Variants in OSBP observed in about 807,000 individuals in gnomAD.
OSBP encodes the protein oxysterol binding protein.
In OSBP, 32 loss-of-function variants were observed where a neutral mutation model predicts 96.6. The observed-to-expected ratio is 0.33, with a 90% CI of 0.25 to 0.45. The LOEUF (loss-of-function observed/expected upper bound fraction) is 0.45, where lower values mean the gene tolerates loss of function less well. Ranked by LOEUF, OSBP falls within the 20% of genes least tolerant of loss-of-function variation. The probability of loss-of-function intolerance (pLI) is 1.00; values close to 1 mark genes in which losing one functional copy is unlikely to be tolerated. For synonymous variants in OSBP, 369 were observed against 389.6 expected, an observed-to-expected ratio of 0.95 and a Z score of 0.62; for missense variants, 653 against 1,029.7, an observed-to-expected ratio of 0.63 and a Z score of 5.01.
At chr11:59,613,798 C>T (rs1860884504) in intron 1 of OSBP, among the ~76,000 whole-genome samples, 1 of 152,210 alleles carries the variant, frequency 6.6e-6, no homozygotes, top group South Asian at 2.1e-4. Flanking sequence ...GATGAGCTAT[C>T]TAAGGCATTT....
intron 9 of OSBP, among the ~76,000 whole-genome samples, chr11:59,591,697 T>G (rs974690108): frequency 1.3e-5 from 2 of 151,790 alleles, no homozygotes; most frequent in African/African-American, 4.8e-5. Flanking sequence ...CTCAGCTTAC[T>G]GCAACCTCCG....
At chr11:59,587,705 C>G (rs948821141) in intron 9 of OSBP, among the ~76,000 whole-genome samples, 2 of 152,154 alleles carry the variant, frequency 1.3e-5, no homozygotes, top group Middle Eastern at 3.4e-3. Flanking sequence ...ATGGAGTAAC[C>G]GGAACCTTTG....
intron 9 of OSBP, among the ~76,000 whole-genome samples, chr11:59,591,103 A>G (rs488331): frequency 0.18 from 26,682 of 152,226 alleles, 4,317 homozygotes; most frequent in African/African-American, 0.43. Flanking sequence ...ATAGGAATGC[A>G]AATACTATCA....
chr11:59,601,609 G>C, intron 4 of OSBP, 31 bp downstream of exon 4: 4 of 1,604,704 alleles, frequency 2.5e-6, no homozygotes, highest in South Asian at 2.2e-5. Context: ...GCTCACCTTA[G>C]ACCAGGCTAC....
At chr11:59,585,299 G>A (rs1478288744) in intron 9 of OSBP, among the ~76,000 whole-genome samples, 4 of 151,958 alleles carry the variant, frequency 2.6e-5, no homozygotes, top group Admixed American at 2.0e-4. Context: ...CCCCGGCTGG[G>A]ATGAGAGGAG....
chr11:59,610,995 C>T (rs1055862398), intron 1 of OSBP, among the ~76,000 whole-genome samples: 5 of 151,680 alleles, frequency 3.3e-5, no homozygotes, highest in African/African-American at 1.2e-4. Flanking sequence ...ATTAGCCAGG[C>T]GTGCGGGTGT....
At chr11:59,580,087 A>G in intron 11 of OSBP, 87 bp downstream of exon 11, 1 of 867,346 alleles carries the variant, frequency 1.2e-6, no homozygotes, top group Non-Finnish European at 2.0e-6. Flanking sequence ...ATACCACCCC[A>G]CATGTATATA....
chr11:59,586,201 AAG>A (rs1296990666), intron 9 of OSBP, among the ~76,000 whole-genome samples: 1 of 151,820 alleles, frequency 6.6e-6, no homozygotes, highest in African/African-American at 2.4e-5. Context: ...AGAAAAAAAA[AAG>A]AATTCATAAA....
Position 59,594,135 on chromosome 11 carries a change from C to G in OSBP, c.1432G>C (p.Ala478Pro). 6.2e-7 allele frequency: 1 copy of G among 1,614,146 alleles called. No individual in the cohort carries two copies. The highest frequency in any genetic ancestry group is 8.5e-7 in the Non-Finnish European group (1 of 1,180,014). The part of the protein sequence containing the change: ...NSLEQLCYVA[A>P]FTVSSYSTTV... ...GTGGAGTAGGAGGACACGGTGAAAG[C>G]TGCAACATAACAGAGCTGTTCTAGA... is the stretch of plus-strand genomic sequence containing the variant. The change falls in exon 8 of 14, where the codon GCT becomes CCT. Residue 478 changes from alanine (A) to proline (P), a missense_variant. Physicochemically the swap from Ala to Pro is conservative, Grantham distance 27. Coordinates refer to ENST00000263847, the MANE Select transcript of OSBP (RefSeq NM_002556.3).
intron 4 of OSBP, 89 bp from the exon 5 acceptor site, chr11:59,601,474 A>C: frequency 8.4e-7 from 1 of 1,194,828 alleles, no homozygotes; most frequent in South Asian, 1.3e-5. Context: ...AACCACAAAC[A>C]CAGCAAAAAA....
In OSBP at chr11:59,574,662, G is replaced by T. The variant is rs560590205; in HGVS notation, c.*1915C>A. 2 of 152,550 alleles carry T rather than the reference G, an allele frequency of 1.3e-5. No individual in the cohort carries two copies. The highest frequency in any genetic ancestry group is 2.9e-5 in the Non-Finnish European group (2 of 68,038). 9.4% of individuals were successfully genotyped at this position (152,550 alleles called of 1,614,324 possible). A position where few individuals can be genotyped will look rare whatever the true frequency, so the allele number is the denominator to read the frequency against. On this transcript the variant is annotated 3_prime_UTR_variant, in exon 14 of 14. Transcript: ENST00000263847. ...CACTCTATCCAAAGCCCCGGATGAG[G>T]TCACTGCTTTTATGAGCCTCCTTGA...
chr11:59,601,664 G>C lies in OSBP; in HGVS notation c.997C>G (p.Pro333Ala). 2 of 1,612,942 alleles carry C rather than the reference G, an allele frequency of 1.2e-6. No individual in the cohort carries two copies. Among genetic ancestry groups the C allele is most frequent in the Non-Finnish European group, 1.7e-6 (2 of 1,179,998 alleles). The change falls in exon 4 of 14, where the codon CCT (proline) becomes GCT (alanine). Residue 333 changes from proline (P) to alanine (A), a missense_variant. Pro to Ala is a conservative substitution (Grantham distance 27). Transcript: ENST00000263847. The part of the protein sequence containing the change: ...RGATVLPANT[P>A]GNVGSGKDQC... The stretch of plus-strand genomic sequence containing the variant: ...CCTTTACCAGAACCCACATTGCCAG[G>C]AGTGTTTGCCGGCAGCACCGTGGCT...
chr11:59,586,593 T>G (rs185097226), intron 9 of OSBP, among the ~76,000 whole-genome samples: 8 of 152,224 alleles, frequency 5.3e-5, no homozygotes, highest in Non-Finnish European at 1.0e-4. Context: ...GACCACAAAA[T>G]AGCCAAAGAA....
chr11:59,608,427 A>G, intron 3 of OSBP, 57 bp downstream of exon 3: 1 of 1,608,252 alleles, frequency 6.2e-7, no homozygotes, highest in Admixed American at 1.7e-5. Context: ...TTTGGGGAGA[A>G]TTATGTTTCA....
At chr11:59,600,945 A>G in intron 5 of OSBP, 72 bp from the exon 6 acceptor site, 1 of 1,310,312 alleles carries the variant, frequency 7.6e-7, no homozygotes, top group East Asian at 2.3e-5. Context: ...ACATTTCTTT[A>G]CAAAGCAGAA....
intron 3 of OSBP, among the ~76,000 whole-genome samples, chr11:59,605,494 C>T (rs1590677554): frequency 6.6e-6 from 1 of 152,082 alleles, no homozygotes; most frequent in African/African-American, 2.4e-5. Flanking sequence ...CTCACTGCAA[C>T]CTCCGCCTCC....
Position 59,576,502 on chromosome 11 carries a change from T to G in OSBP, c.*75A>C, listed in dbSNP as rs1482107077. The G allele has an allele frequency of 4.0e-6, 6 of 1,494,696 alleles. No individual in the cohort carries two copies. The highest frequency in any genetic ancestry group is 5.4e-6 in the Non-Finnish European group (6 of 1,104,812). 92.6% of individuals were successfully genotyped at this position (1,494,696 alleles called of 1,614,324 possible). On this transcript the variant is annotated 3_prime_UTR_variant, in exon 14 of 14. Transcript: ENST00000263847. Reference sequence around the variant, plus strand: ...TTGAGGAAAGCACTTGGTAAGAGAGTCACAACTTCCAGCTTTCCCACACAT... The same window carrying G: ...TTGAGGAAAGCACTTGGTAAGAGAGGCACAACTTCCAGCTTTCCCACACAT...
intron 2 of OSBP, 57 bp from the exon 3 acceptor site, chr11:59,608,791 C>A: frequency 1.3e-6 from 2 of 1,553,772 alleles, no homozygotes; most frequent in South Asian, 1.1e-5. Context: ...ACAGTTGGAA[C>A]CCTACCTACT....
intron 7 of OSBP, among the ~76,000 whole-genome samples, chr11:59,596,821 G>A (rs1860665087): frequency 6.6e-6 from 1 of 152,118 alleles, no homozygotes; most frequent in African/African-American, 2.4e-5. Context: ...GACTTCCCAC[G>A]GCTATAACCT....
Sources: gnomAD v4.1 joint callset for allele counts (sites outside exome capture counted in the v4.1 genomes callset) on GRCh38, gnomAD v4.1.1 for gene constraint, MANE v1.5 for transcripts, NCBI Gene and HGNC (gene_info 2026-07-23, HGNC 2026-07-21) for gene names.